The following SLC25A21 variants were observed in gnomAD, a reference collection of about 807,000 sequenced individuals.
SLC25A21 encodes the protein solute carrier family 25 member 21, also known as mitochondrial 2-oxodicarboxylate carrier.
A neutral mutation model predicts 43.8 loss-of-function variants in SLC25A21; 47 were observed. The ratio of observed to expected loss-of-function variants is 1.07; its 90% confidence interval spans 0.85 to 1.37. The LOEUF is 1.37. SLC25A21 is among the 40% of genes most tolerant of loss of function. The pLI is 0.00. For missense variants in SLC25A21, 352 were observed against 350.2 expected, an observed-to-expected ratio of 1.00 and a Z score of -0.04; for synonymous variants, 131 against 121.3, an observed-to-expected ratio of 1.08 and a Z score of -0.52.
At chr14:36,787,061 G>T (rs540928186) in intron 3 of SLC25A21, among the ~76,000 whole-genome samples, 1 of 152,230 alleles carries the variant, frequency 6.6e-6, no homozygotes, top group African/African-American at 2.4e-5. Context: ...GTGTCAGGCA[G>T]GGACTGGGGT....
chr14:36,879,982 A>G (rs1022992111), intron 1 of SLC25A21, among the ~76,000 whole-genome samples: 5 of 152,124 alleles, frequency 3.3e-5, no homozygotes, highest in Admixed American at 1.3e-4. Context: ...ACTAACCTTC[A>G]GATCTCAATT....
At chr14:36,811,979 T>C (rs1566637887) in intron 3 of SLC25A21, among the ~76,000 whole-genome samples, 1 of 152,160 alleles carries the variant, frequency 6.6e-6, no homozygotes, top group African/African-American at 2.4e-5. Context: ...TAAGACACTA[T>C]AGTTGTAAGA....
At chr14:36,927,888 C>T (rs1423463295) in intron 1 of SLC25A21, among the ~76,000 whole-genome samples, 1 of 152,098 alleles carries the variant, frequency 6.6e-6, no homozygotes, top group Non-Finnish European at 1.5e-5. Flanking sequence ...AATAACAGAG[C>T]ATGAGCAACT....
chr14:36,821,066 G>C (rs114055258), intron 2 of SLC25A21, among the ~76,000 whole-genome samples: 2,096 of 152,254 alleles, frequency 0.014, 56 homozygotes, highest in African/African-American at 0.048. Context: ...CTTATGAGTT[G>C]GTTGAGCATA....
intron 2 of SLC25A21, among the ~76,000 whole-genome samples, chr14:36,838,575 G>A (rs1211618393): frequency 6.6e-6 from 1 of 152,192 alleles, no homozygotes; most frequent in African/African-American, 2.4e-5. Context: ...ATGCAGAACA[G>A]GATGCCAGAA....
chr14:36,739,496 G>C (rs1885166621), intron 3 of SLC25A21, among the ~76,000 whole-genome samples: 1 of 151,998 alleles, frequency 6.6e-6, no homozygotes, highest in Non-Finnish European at 1.5e-5. Flanking sequence ...TGACTAACAT[G>C]GTGAAGCCCC....
rs367617516 is a variant in SLC25A21, at chr14:36,680,583, C to T, written c.*75G>A. 13 of 1,533,918 alleles carry T rather than the reference C, an allele frequency of 8.5e-6. No homozygotes were observed. Among genetic ancestry groups the T allele is most frequent in the South Asian group, 1.3e-5 (1 of 76,364 alleles). Reference sequence around the variant, plus strand: ...CTTCATAATTATACACCTGGCCGATCGATAGTCTCTCTTCTTCATGGTGCT... The same window carrying T: ...CTTCATAATTATACACCTGGCCGATTGATAGTCTCTCTTCTTCATGGTGCT... On this transcript the variant is annotated 3_prime_UTR_variant, in exon 10 of 10. Transcript: ENST00000331299.
intron 3 of SLC25A21, among the ~76,000 whole-genome samples, chr14:36,749,436 C>T (rs879635003): frequency 6.6e-6 from 1 of 152,136 alleles, no homozygotes; most frequent in East Asian, 1.9e-4. Flanking sequence ...GCAATAGTCT[C>T]CCAACTGGTT....
At chr14:37,036,663 A>G (rs2138776495) in intron 1 of SLC25A21, among the ~76,000 whole-genome samples, 1 of 142,524 alleles carries the variant, frequency 7.0e-6, no homozygotes, top group Non-Finnish European at 1.6e-5. Flanking sequence ...CTCCACAATC[A>G]ATAGATATGG....
rs1288230244 is a variant in SLC25A21, at chr14:36,910,217, G to A, written c.71-35213C>T. Among the ~76,000 whole-genome samples the A allele has an allele frequency of 2.0e-5, 3 of 152,154 alleles. No individual in the cohort carries two copies. In the East Asian group the frequency reaches 5.8e-4, roughly 29 times the overall value. ...TCACTCTTATTTCAGGAATTCAACAGACACTTCTCCATAAATAGATTACAA... is the reference window on the plus strand; with the variant it reads ...TCACTCTTATTTCAGGAATTCAACAAACACTTCTCCATAAATAGATTACAA... On this transcript the variant is annotated intron_variant, in intron 1 of 9. Transcript: ENST00000331299.
At chr14:36,876,563 C>A (rs1890530810) in intron 1 of SLC25A21, among the ~76,000 whole-genome samples, 1 of 150,504 alleles carries the variant, frequency 6.6e-6, no homozygotes, top group South Asian at 2.1e-4. Context: ...CCCTGTTACT[C>A]AAGGTAGCAT....
intron 1 of SLC25A21, among the ~76,000 whole-genome samples, chr14:36,922,023 T>C (rs1262149487): frequency 1.3e-5 from 2 of 151,416 alleles, no homozygotes; most frequent in African/African-American, 2.4e-5. Flanking sequence ...CACATGCCTG[T>C]AATCGCAGCT....
intron 1 of SLC25A21, among the ~76,000 whole-genome samples, chr14:37,020,590 T>A (rs76678190): frequency 2.6e-5 from 4 of 151,970 alleles, no homozygotes; most frequent in African/African-American, 7.2e-5. Context: ...TTTTCTTTAA[T>A]ACTAAAATTT....
chr14:36,866,060 C>CT (rs1890205849), intron 2 of SLC25A21, among the ~76,000 whole-genome samples: 1 of 152,122 alleles, frequency 6.6e-6, no homozygotes, highest in South Asian at 2.1e-4. Flanking sequence ...GTGAAAATGC[C>CT]CCCCACCCCA....
chr14:36,758,853 G>T (rs775394514), intron 3 of SLC25A21, among the ~76,000 whole-genome samples: 20 of 152,156 alleles, frequency 1.3e-4, no homozygotes, highest in Non-Finnish European at 2.6e-4. Flanking sequence ...CAGAGCAGAG[G>T]CGTCCAGGAG....
chr14:36,977,633 T>C (rs753474246), intron 1 of SLC25A21, among the ~76,000 whole-genome samples: 3 of 152,188 alleles, frequency 2.0e-5, no homozygotes, highest in Non-Finnish European at 4.4e-5. Flanking sequence ...TTTCTACATG[T>C]TCTAATGCAA....
At chr14:36,785,038 A>G (rs1213903331) in intron 3 of SLC25A21, among the ~76,000 whole-genome samples, 1 of 152,192 alleles carries the variant, frequency 6.6e-6, no homozygotes, top group Non-Finnish European at 1.5e-5. Flanking sequence ...TAGTTGTTCT[A>G]CCAGAGGGGT....
At chr14:36,926,990 T>C (rs1002732065) in intron 1 of SLC25A21, among the ~76,000 whole-genome samples, 2 of 151,960 alleles carry the variant, frequency 1.3e-5, no homozygotes, top group East Asian at 3.9e-4. Flanking sequence ...GGCAACATGG[T>C]GAAACCCCAA....
intron 7 of SLC25A21, among the ~76,000 whole-genome samples, chr14:36,704,666 A>AAC (rs1555320934): frequency 1.3e-5 from 2 of 151,622 alleles, no homozygotes; most frequent in Non-Finnish European, 2.9e-5. Flanking sequence ...CAAAAAAAAA[A>AAC]AAAAACAAAA....
Sources: allele counts gnomAD v4.1 joint callset (sites outside exome capture counted in the v4.1 genomes callset), GRCh38; gene constraint gnomAD v4.1.1; transcripts MANE v1.5; gene names NCBI Gene and HGNC (gene_info 2026-07-23, HGNC 2026-07-21).